The following PAN3 variants were observed in gnomAD, a reference collection of about 807,000 sequenced individuals.
The protein encoded by PAN3 is poly(A) specific ribonuclease subunit PAN3.
PAN3 carries 19 observed loss-of-function variants against 96.2 expected under a neutral mutation model. That is an observed-to-expected ratio of 0.20 (90% CI 0.14 to 0.29). The LOEUF (loss-of-function observed/expected upper bound fraction) is 0.29, where lower values mean the gene tolerates loss of function less well. Among genes scored for constraint, PAN3 ranks in the 10% least tolerant of loss-of-function variants. The pLI is 1.00. For synonymous variants in PAN3, 433 were observed against 406.6 expected (o/e 1.06, Z -0.78); for missense variants, 882 against 1,108.1 (o/e 0.80, Z 2.90).
intron 5 of PAN3, among the ~76,000 whole-genome samples, chr13:28,201,063 G>T (rs547461654): frequency 6.6e-6 from 1 of 151,158 alleles, no homozygotes; most frequent in Non-Finnish European, 1.5e-5. Context: ...TCGAGACAGG[G>T]TCTCTGTTAC....
rs147514275 is a variant in PAN3 at position 28,160,247 on chromosome 13, C to A, written c.431-14025C>A. On this transcript the variant is annotated intron_variant, in intron 1 of 18. Transcript: ENST00000380958. The stretch of plus-strand genomic sequence containing the variant: ...ATGAGCCACTGTGCCCGGCTTTACT[C>A]TTTATTTTGAAAAGATAACTATAGT... 2.8e-3 allele frequency among the ~76,000 whole-genome samples: 419 copies of A among 152,234 alleles called. 8 individuals carry two copies. Among genetic ancestry groups the A allele is most frequent in the Admixed American group, 0.026 (391 of 15,286 alleles).
chr13:28,278,495 A>G (rs1887227935), intron 15 of PAN3, among the ~76,000 whole-genome samples: 1 of 152,202 alleles, frequency 6.6e-6, no homozygotes, highest in South Asian at 2.1e-4. Context: ...TATGTTAATA[A>G]TTATTGAAAC....
intron 1 of PAN3, among the ~76,000 whole-genome samples, chr13:28,150,300 C>T (rs1429909444): frequency 2.6e-5 from 4 of 152,040 alleles, no homozygotes; most frequent in Non-Finnish European, 4.4e-5. Context: ...AAATTTTTAG[C>T]GAGGTCCTCA....
At chr13:28,276,517 T>C (rs1229001545) in intron 14 of PAN3, among the ~76,000 whole-genome samples, 1 of 152,156 alleles carries the variant, frequency 6.6e-6, no homozygotes, top group Non-Finnish European at 1.5e-5. Flanking sequence ...TGAAAATCCT[T>C]TTAGAAGGAA....
chr13:28,195,125 G>A (rs1209923180), intron 4 of PAN3, among the ~76,000 whole-genome samples: 3 of 152,198 alleles, frequency 2.0e-5, no homozygotes, highest in South Asian at 2.1e-4. Flanking sequence ...AACTCTGTTC[G>A]TTAGGCTGAT....
rs78096296 is a variant in PAN3, at chr13:28,162,297, C to G, written c.431-11975C>G. ...ATAAAGAAAAGGATGGTGTGAGTATCTGCTGAGGGGGTAGAGGAGCCCCTG... is the reference window on the plus strand; with the variant it reads ...ATAAAGAAAAGGATGGTGTGAGTATGTGCTGAGGGGGTAGAGGAGCCCCTG... On this transcript the variant is annotated intron_variant, in intron 1 of 18. Transcript: ENST00000380958. Among the ~76,000 whole-genome samples the G allele has an allele frequency of 3.7e-4, 57 of 152,296 alleles. No individual in the cohort carries two copies. The East Asian group carries it at 9.5e-3, about 25-fold the overall frequency.
chr13:28,239,678 T>C, intron 6 of PAN3: 2 of 1,288,020 alleles, frequency 1.6e-6, no homozygotes, highest in Non-Finnish European at 2.0e-6. Context: ...TTGGGCAGCG[T>C]TGGACAGCTC....
intron 4 of PAN3, among the ~76,000 whole-genome samples, chr13:28,190,934 G>T (rs1877179231): frequency 6.6e-6 from 1 of 152,194 alleles, no homozygotes; most frequent in Non-Finnish European, 1.5e-5. Context: ...ACAAAAGCTG[G>T]TTATCAATAG....
At chr13:28,255,892 A>G (rs1030539929) in intron 6 of PAN3, among the ~76,000 whole-genome samples, 2 of 152,066 alleles carry the variant, frequency 1.3e-5, no homozygotes, top group African/African-American at 2.4e-5. Flanking sequence ...TCTTAATAAA[A>G]AAGGAATTAT....
chr13:28,247,416 G>T (rs7982444), intron 6 of PAN3, among the ~76,000 whole-genome samples: 151,971 of 152,334 alleles, frequency 1, 75,805 homozygotes, highest in Middle Eastern at 1. Flanking sequence ...TTTCTTTTGC[G>T]GTGCAGATAC....
chr13:28,177,542 T>G (rs45495499), intron 3 of PAN3, among the ~76,000 whole-genome samples: 4 of 152,136 alleles, frequency 2.6e-5, no homozygotes, highest in African/African-American at 9.7e-5. Flanking sequence ...TATAAACCTT[T>G]ATTTACTTTA....
chr13:28,219,997 T>C (rs2138375271), intron 5 of PAN3, among the ~76,000 whole-genome samples: 1 of 152,340 alleles, frequency 6.6e-6, no homozygotes, highest in African/African-American at 2.4e-5. Context: ...ATTTTACACA[T>C]TACTGAGGTT....
At chr13:28,155,059 A>C (rs1396050108) in intron 1 of PAN3, among the ~76,000 whole-genome samples, 2 of 147,996 alleles carry the variant, frequency 1.4e-5, no homozygotes, top group Non-Finnish European at 1.5e-5. Context: ...CTCGTGATCC[A>C]CCCGCCTTGG....
intron 14 of PAN3, 79 bp downstream of exon 14, chr13:28,272,150 G>GTTT: frequency 9.9e-7 from 1 of 1,014,638 alleles, no homozygotes; most frequent in Non-Finnish European, 1.4e-6. Flanking sequence ...GTATTTCAGT[G>GTTT]TTTTAAGCCT....
Position 28,238,877 on chromosome 13 carries a change from A to G in PAN3, c.1001-17415A>G, listed in dbSNP as rs534486220. ...GAATGTTCCCTTGTTTTGTTATGGC[A>G]TATCTTGAAGCTCAAAGGCTATGCA... On this transcript the variant is annotated intron_variant, in intron 6 of 18. Transcript: ENST00000380958. Among the ~76,000 whole-genome samples, 60 of 151,990 alleles carry G rather than the reference A, an allele frequency of 3.9e-4. No homozygotes were observed. In the Middle Eastern group the frequency reaches 0.01, roughly 26 times the overall value.
chr13:28,138,971 G>A lies in PAN3; in HGVS notation c.314G>A (p.Gly105Asp). ...GGCTTTCCGCCGGGAGCCGTCGCGG[G>A]CGGGGGAGCTGGGCCGCCCCCCGGG... Reference protein sequence around the residue: ...VAGFPPGAVAGGGAGPPPGPK... With the variant: ...VAGFPPGAVADGGAGPPPGPK... The change falls in exon 1 of 19, where the codon GGC (glycine) becomes GAC (aspartate). Residue 105 changes from glycine (G) to aspartate (D), a missense_variant. Transcript: ENST00000380958. 7.8e-7 allele frequency: 1 copy of A among 1,281,536 alleles called. No homozygotes were observed. Among genetic ancestry groups the A allele is most frequent in the Non-Finnish European group, 9.9e-7 (1 of 1,014,710 alleles). The allele number at this position is 1,281,536 out of a possible 1,614,324, so 79.4% of individuals were successfully genotyped here.
intron 4 of PAN3, among the ~76,000 whole-genome samples, chr13:28,182,214 T>C (rs761673474): frequency 7.2e-5 from 11 of 152,242 alleles, no homozygotes; most frequent in Non-Finnish European, 1.3e-4. Flanking sequence ...CTTGCTAAGA[T>C]AGAAGTGTTT....
intron 12 of PAN3, among the ~76,000 whole-genome samples, chr13:28,269,318 A>G (rs1886420473): frequency 6.6e-6 from 1 of 152,158 alleles, no homozygotes; most frequent in South Asian, 2.1e-4. Flanking sequence ...TGATTAATAT[A>G]TTAATGTTTA....
intron 18 of PAN3, among the ~76,000 whole-genome samples, chr13:28,289,814 G>A (rs1271633535): frequency 2.0e-5 from 3 of 152,166 alleles, no homozygotes; most frequent in South Asian, 2.1e-4. Context: ...CCCGGGAGGC[G>A]GAGTTTGCAG....
Sources: allele counts gnomAD v4.1 joint callset (sites outside exome capture counted in the v4.1 genomes callset), GRCh38; gene constraint gnomAD v4.1.1; transcripts MANE v1.5; gene names NCBI Gene and HGNC (gene_info 2026-07-23, HGNC 2026-07-21).